RRM2: variants seen among roughly 807,000 people sequenced by gnomAD.
RRM2 encodes the protein ribonucleotide reductase regulatory subunit M2.
Under a neutral mutation model 45.9 loss-of-function variants are expected in RRM2, and 6 were observed. The observed-to-expected ratio is 0.13, with a 90% confidence interval of 0.07 to 0.26. The LOEUF is 0.26. Among genes scored for constraint, RRM2 ranks in the 10% least tolerant of loss-of-function variants. The pLI, the probability that RRM2 is intolerant of heterozygous loss-of-function variation, is 1.00. For missense variants in RRM2, 343 were observed against 489.5 expected (o/e 0.70, Z 2.82); for synonymous variants, 177 against 173.0 (o/e 1.02, Z -0.18).
At chr2:10,122,659 CCG>C (rs1558378300), upstream of RRM2, 3 of 1,548,772 alleles carry the variant, frequency 1.9e-6, no homozygotes, top group Non-Finnish European at 1.7e-6. Flanking sequence ...ATGGGAAGGG[CCG>C]GGGCACCAAA....
chr2:10,168,143 A>C (rs1572513640), intron 3 of RRM2, among the ~76,000 whole-genome samples: 1 of 140,552 alleles, frequency 7.1e-6, no homozygotes. Context: ...ACTGATCCCC[A>C]CCCTGCTCCG....
intron 3 of RRM2, among the ~76,000 whole-genome samples, chr2:10,209,057 C>CTTTT (rs1553330335): frequency 1.2e-4 from 12 of 102,488 alleles, no homozygotes; most frequent in East Asian, 2.4e-4. Flanking sequence ...TTCTTTCTTT[C>CTTTT]TTTTTTTTTT....
In RRM2 at chr2:10,171,101, C is replaced by T. The variant is rs1450612061; in HGVS notation, n.482+28726C>T. Among the ~76,000 whole-genome samples, 3 of 152,168 alleles carry T rather than the reference C, an allele frequency of 2.0e-5. No homozygotes were observed. The highest frequency in any genetic ancestry group is 1.9e-4 in the East Asian group (1 of 5,184). On this transcript the variant is annotated intron_variant and non_coding_transcript_variant, in intron 3 of 3. Coordinates refer to the RRM2 transcript ENST00000381786. This position sits in a 1 kb window ranked among gnomAD's most constrained non-coding sequence, Gnocchi z 4.1. ...CTGCGCCACTCATCATTATAGGCTG[C>T]GCCACTCATTATAGGCTGCGGGGCC...
At chr2:10,157,361 C>G (rs372238849) in intron 3 of RRM2, among the ~76,000 whole-genome samples, 1 of 152,156 alleles carries the variant, frequency 6.6e-6, no homozygotes, top group East Asian at 1.9e-4. Flanking sequence ...TAAATTATTA[C>G]ACTACAGAAA....
intron 3 of RRM2, among the ~76,000 whole-genome samples, chr2:10,166,728 G>C (rs1293843284): frequency 6.6e-6 from 1 of 152,238 alleles, no homozygotes; most frequent in Non-Finnish European, 1.5e-5. Flanking sequence ...CTGCTTGGAT[G>C]CTCCCACGCA....
Position 10,124,689 on chromosome 2 carries a change from GCTTAA to G in RRM2, c.436-24_436-20del, listed in dbSNP as rs549589878. On this transcript the variant is annotated intron_variant, in intron 4 of 9. Coordinates refer to ENST00000304567, the MANE Select transcript of RRM2 (RefSeq NM_001034.4). ...GTTGCTGCTGTTGGTTTTTTCTCAA[GCTTAA>G]CTTTGATGTGTTTTGCCACTAGGTG... The G allele has an allele frequency of 4.9e-3, 7,852 of 1,610,710 alleles. 37 individuals carry two copies. The highest frequency in any genetic ancestry group is 6.0e-3 in the Non-Finnish European group (7,041 of 1,179,480).
At chr2:10,209,340 G>A (rs573797459) in intron 3 of RRM2, among the ~76,000 whole-genome samples, 1 of 152,134 alleles carries the variant, frequency 6.6e-6, no homozygotes. Context: ...TTACCCCTGT[G>A]AGCCACCGCA....
chr2:10,144,659 TC>T (rs1663152514), intron 3 of RRM2, among the ~76,000 whole-genome samples: 1 of 152,216 alleles, frequency 6.6e-6, no homozygotes, highest in Non-Finnish European at 1.5e-5. Flanking sequence ...GGCTTCTACT[TC>T]CTTTTGAACG....
At chr2:10,187,000 G>A (rs1310685614) in intron 3 of RRM2, among the ~76,000 whole-genome samples, 1 of 152,268 alleles carries the variant, frequency 6.6e-6, no homozygotes, top group East Asian at 1.9e-4. Flanking sequence ...GGGGCTCAGA[G>A]GAGGTGCGTG....
chr2:10,149,586 TC>T (rs1484930254), intron 3 of RRM2, among the ~76,000 whole-genome samples: 1 of 152,242 alleles, frequency 6.6e-6, no homozygotes, highest in Non-Finnish European at 1.5e-5. Flanking sequence ...TGCAGTGTCT[TC>T]CTGTAGATGC....
intron 3 of RRM2, among the ~76,000 whole-genome samples, chr2:10,143,957 C>T (rs1663138715): frequency 6.6e-6 from 1 of 152,236 alleles, no homozygotes; most frequent in Non-Finnish European, 1.5e-5. Flanking sequence ...TGAGCCACCA[C>T]ACCCGGCCCC....
intron 3 of RRM2, among the ~76,000 whole-genome samples, chr2:10,153,577 T>C (rs974366563): frequency 2.6e-5 from 4 of 152,168 alleles, no homozygotes; most frequent in Non-Finnish European, 2.9e-5. Flanking sequence ...TTTCTGTTTT[T>C]TTCTTCTCTA....
intron 3 of RRM2, among the ~76,000 whole-genome samples, chr2:10,148,188 A>T (rs1184037772): frequency 1.3e-5 from 2 of 150,356 alleles, no homozygotes; most frequent in Non-Finnish European, 3.0e-5. Context: ...TCAGATACTA[A>T]CAACTCTCTC....
chr2:10,144,339 A>C (rs1258803394), intron 3 of RRM2, among the ~76,000 whole-genome samples: 1 of 152,088 alleles, frequency 6.6e-6, no homozygotes, highest in East Asian at 1.9e-4. Flanking sequence ...TTTCTTTTTC[A>C]ATTTCCTTTG....
intron 3 of RRM2, among the ~76,000 whole-genome samples, chr2:10,145,062 G>A (rs1663161200): frequency 6.6e-6 from 1 of 152,160 alleles, no homozygotes; most frequent in Non-Finnish European, 1.5e-5. Context: ...GTGGGAGAGT[G>A]GAAGCTGCGG....
At chr2:10,206,123 G>A (rs1219074023) in intron 3 of RRM2, among the ~76,000 whole-genome samples, 1 of 152,070 alleles carries the variant, frequency 6.6e-6, no homozygotes, top group Non-Finnish European at 1.5e-5. Flanking sequence ...GTGGGCACCT[G>A]TAGTTCCAGC....
intron 3 of RRM2, 99 bp downstream of exon 3, chr2:10,123,629 G>A (rs1662718344): frequency 6.7e-7 from 1 of 1,489,656 alleles, no homozygotes; most frequent in Admixed American, 1.9e-5. Flanking sequence ...GCTAACTGTG[G>A]GGCATAGTAA....
intron 3 of RRM2, among the ~76,000 whole-genome samples, chr2:10,157,502 G>A (rs1437814060): frequency 6.6e-6 from 1 of 152,102 alleles, no homozygotes; most frequent in Non-Finnish European, 1.5e-5. Context: ...TCCCAGTCCT[G>A]ACCACACTAA....
intron 3 of RRM2, among the ~76,000 whole-genome samples, chr2:10,180,475 C>A (rs1402861083): frequency 6.6e-6 from 1 of 152,146 alleles, no homozygotes; most frequent in African/African-American, 2.4e-5. Flanking sequence ...GGGCCAGGCC[C>A]ATTTATGTTT....
Sources: allele counts gnomAD v4.1 joint callset (sites outside exome capture counted in the v4.1 genomes callset), GRCh38; gene constraint gnomAD v4.1.1; non-coding constraint Gnocchi (gnomAD v3.1); transcripts MANE v1.5; gene names NCBI Gene and HGNC (gene_info 2026-07-23, HGNC 2026-07-21).